Variants in CCDC102B observed in about 807,000 individuals in gnomAD.
CCDC102B encodes the protein coiled-coil domain containing 102B.
CCDC102B carries 75 observed loss-of-function variants against 57.4 expected under a neutral mutation model. That is an observed-to-expected ratio of 1.31 (90% CI 1.08 to 1.58). The LOEUF is 1.58. Ranked by LOEUF, CCDC102B falls within the 40% of genes most tolerant of loss-of-function variation. CCDC102B has a pLI of 0.00. For missense variants in CCDC102B, 636 were observed against 582.6 expected (o/e 1.09, Z -0.94); for synonymous variants, 206 against 201.9 (o/e 1.02, Z -0.17).
At chr18:68,831,643 C>A (rs1439444920) in intron 1 of CCDC102B, among the ~76,000 whole-genome samples, 1 of 152,108 alleles carries the variant, frequency 6.6e-6, no homozygotes, top group Non-Finnish European at 1.5e-5. Context: ...TTTGCACCAA[C>A]TAGCAGAGAT....
At chr18:68,882,629 A>T (rs1026095043) in intron 5 of CCDC102B, among the ~76,000 whole-genome samples, 13 of 152,244 alleles carry the variant, frequency 8.5e-5, no homozygotes, top group African/African-American at 1.9e-4. Flanking sequence ...TATTTCATTT[A>T]AACGTTTTTT....
Position 68,734,405 on chromosome 18 carries a change from A to C in CCDC102B, c.-67+17811A>C, listed in dbSNP as rs184943377. Among the ~76,000 whole-genome samples the C allele has an allele frequency of 5.5e-3, 831 of 152,330 alleles. 4 individuals carry two copies. Among genetic ancestry groups the C allele is most frequent in the Non-Finnish European group, 7.5e-3 (512 of 68,028 alleles). ...ACATATAAATTATTGTAAAATCCAG[A>C]CTGTATTTTGTCATCAGCATTGCAG... is the stretch of plus-strand genomic sequence containing the variant. On this transcript the variant is annotated intron_variant, in intron 2 of 3. Coordinates refer to the CCDC102B transcript ENST00000578970.
intron 2 of CCDC102B, among the ~76,000 whole-genome samples, chr18:68,729,489 T>C (rs967650144): frequency 2.0e-5 from 3 of 152,198 alleles, no homozygotes; most frequent in African/African-American, 7.2e-5. Context: ...TGGAATACAA[T>C]AGCTCAGAAA....
chr18:68,944,088 A>G (rs1420811855), intron 6 of CCDC102B, among the ~76,000 whole-genome samples: 1 of 152,096 alleles, frequency 6.6e-6, no homozygotes, highest in African/African-American at 2.4e-5. Flanking sequence ...TTATCAGTTA[A>G]TTGGGCTCCT....
intron 2 of CCDC102B, among the ~76,000 whole-genome samples, chr18:68,752,639 C>T (rs1237212636): frequency 6.6e-6 from 1 of 152,076 alleles, no homozygotes; most frequent in Non-Finnish European, 1.5e-5. Context: ...TAATTAATTT[C>T]ATACTAATTT....
chr18:68,784,447 C>G (rs2035118676), intron 2 of CCDC102B, among the ~76,000 whole-genome samples: 1 of 152,062 alleles, frequency 6.6e-6, no homozygotes, highest in African/African-American at 2.4e-5. Context: ...CCCATCAAAC[C>G]TCACCTCCAA....
At chr18:68,889,421 T>A (rs780557728) in intron 5 of CCDC102B, among the ~76,000 whole-genome samples, 2 of 152,128 alleles carry the variant, frequency 1.3e-5, no homozygotes, top group Non-Finnish European at 2.9e-5. Context: ...TTAGTGGTTT[T>A]GTTTTGTTTT....
chr18:69,008,766 G>A (rs1284934758), intron 6 of CCDC102B, among the ~76,000 whole-genome samples: 6 of 152,136 alleles, frequency 3.9e-5, no homozygotes, highest in East Asian at 1.9e-4. Flanking sequence ...AAGAGCCTGC[G>A]ACTAATCAAT....
At chr18:68,992,956 C>A in intron 6 of CCDC102B, 1 of 174,870 alleles carries the variant, frequency 5.7e-6, no homozygotes, top group South Asian at 1.2e-4. Flanking sequence ...AGGTCTGAGT[C>A]ATTAGTAGGT....
intron 2 of CCDC102B, among the ~76,000 whole-genome samples, chr18:68,743,573 C>CT (rs2033495156): frequency 6.6e-6 from 1 of 152,206 alleles, no homozygotes; most frequent in African/African-American, 2.4e-5. Context: ...ACGCTCAATG[C>CT]TTGCCTTCAC....
chr18:68,765,893 A>G (rs1172281747), intron 2 of CCDC102B, among the ~76,000 whole-genome samples: 1 of 151,898 alleles, frequency 6.6e-6, no homozygotes, highest in Non-Finnish European at 1.5e-5. Flanking sequence ...TGTGACTCTC[A>G]TGATTGCTAG....
At chr18:68,905,123 C>T (rs1199324649) in intron 6 of CCDC102B, among the ~76,000 whole-genome samples, 1 of 150,506 alleles carries the variant, frequency 6.6e-6, no homozygotes, top group Non-Finnish European at 1.5e-5. Context: ...TTAAAATCTC[C>T]TTCATGTGTA....
In CCDC102B at chr18:68,897,016, A is replaced by G. The variant is rs143414579; in HGVS notation, c.1054-203A>G. 2.8e-3 allele frequency among the ~76,000 whole-genome samples: 423 copies of G among 152,192 alleles called. 3 individuals carry two copies. The highest frequency in any genetic ancestry group is 0.01 in the Middle Eastern group (3 of 294). On this transcript the variant is annotated intron_variant, in intron 5 of 7. Transcript: ENST00000360242. ...AGAGATAGTTACATGAACCAAGAGG[A>G]AAAGTATATTTATCTACGGTTTGGC...
chr18:68,736,947 A>G (rs2033157672), intron 2 of CCDC102B, among the ~76,000 whole-genome samples: 1 of 151,958 alleles, frequency 6.6e-6, no homozygotes, highest in Non-Finnish European at 1.5e-5. Flanking sequence ...CAGGTGCTCG[A>G]CAGGTGTGTG....
chr18:68,806,907 C>T (rs940502896), intron 1 of CCDC102B, among the ~76,000 whole-genome samples: 6 of 152,102 alleles, frequency 3.9e-5, no homozygotes, highest in African/African-American at 1.2e-4. Context: ...TCATTTCAAG[C>T]GTTCCCTAAC....
chr18:69,055,066 A>T lies in CCDC102B; in HGVS notation c.*929A>T, dbSNP rs1031038931. 2.0e-6 allele frequency: 2 copies of T among 983,268 alleles called. No individual in the cohort carries two copies. The highest frequency in any genetic ancestry group is 3.5e-5 in the African/African-American group (2 of 57,186). The allele number at this position is 983,268 out of a possible 1,614,324, so 60.9% of individuals were successfully genotyped here. ...CCATACCTATTTTCAACTGAAGGCA[A>T]CTTGTAAGATTTAACTCAGTCAATA... On this transcript the variant is annotated 3_prime_UTR_variant, in exon 8 of 8. Transcript: ENST00000360242.
At chr18:68,907,247 A>G (rs1202830140) in intron 6 of CCDC102B, among the ~76,000 whole-genome samples, 1 of 152,082 alleles carries the variant, frequency 6.6e-6, no homozygotes, top group East Asian at 1.9e-4. Context: ...GAGTATTTCA[A>G]CTTTGCTCTT....
intron 2 of CCDC102B, among the ~76,000 whole-genome samples, chr18:68,746,961 T>A (rs1187538287): frequency 6.6e-6 from 1 of 152,032 alleles, no homozygotes; most frequent in Non-Finnish European, 1.5e-5. Flanking sequence ...TGACACATCA[T>A]AACTATACAC....
intron 4 of CCDC102B, among the ~76,000 whole-genome samples, 179 bp downstream of exon 4, chr18:68,846,600 A>G (rs2144818570): frequency 6.6e-6 from 1 of 151,848 alleles, no homozygotes; most frequent in Middle Eastern, 3.4e-3. Context: ...TCAAATTCAG[A>G]CTCTATGACA....
Sources: gnomAD v4.1 joint callset for allele counts (sites outside exome capture counted in the v4.1 genomes callset) on GRCh38, gnomAD v4.1.1 for gene constraint, MANE v1.5 for transcripts, NCBI Gene and HGNC (gene_info 2026-07-23, HGNC 2026-07-21) for gene names.